DNAJC11: variants seen among roughly 807,000 people sequenced by gnomAD.
DNAJC11 encodes DnaJ heat shock protein family (Hsp40) member C11, also known as dnaJ homolog subfamily C member 11.
In DNAJC11, 15 loss-of-function variants were observed where a neutral mutation model predicts 78.6. The ratio of observed to expected loss-of-function variants is 0.19; its 90% CI spans 0.13 to 0.29. DNAJC11 has a LOEUF of 0.29. Ranked by LOEUF, DNAJC11 falls within the 10% of genes least tolerant of loss-of-function variation. The pLI is 1.00. For synonymous variants in DNAJC11, 292 were observed against 272.1 expected, an observed-to-expected ratio of 1.07 and a Z score of -0.72; for missense variants, 547 against 709.6, an observed-to-expected ratio of 0.77 and a Z score of 2.60.
chr1:6,649,331 G>A (rs187799062), intron 7 of DNAJC11, among the ~76,000 whole-genome samples: 19 of 152,110 alleles, frequency 1.2e-4, no homozygotes, highest in East Asian at 7.8e-4. Context: ...CACCGCTCCC[G>A]GCTAATTCTT....
chr1:6,673,195 C>CAAA (rs70981399), intron 3 of DNAJC11, among the ~76,000 whole-genome samples: 1,364 of 38,490 alleles, frequency 0.035, 60 homozygotes, highest in Non-Finnish European at 0.038. Flanking sequence ...AACTCCATCT[C>CAAA]AAAAAAAAAA....
chr1:6,637,439 G>C lies in DNAJC11; in HGVS notation c.1381+8C>G, dbSNP rs200102617. 6.2e-7 allele frequency: 1 copy of C among 1,614,236 alleles called. No individual in the cohort carries two copies. Among genetic ancestry groups the C allele is most frequent in the East Asian group, 2.2e-5 (1 of 44,892 alleles). On this transcript the variant is annotated splice_region_variant and intron_variant, in intron 13 of 15. Coordinates refer to ENST00000377577, the MANE Select transcript of DNAJC11 (RefSeq NM_018198.4). ...CACCCTGGACCAAGAGAGGACACAT[G>C]TTCTCACCCATTCTGGACTCTTCTG...
intron 3 of DNAJC11, among the ~76,000 whole-genome samples, chr1:6,674,603 C>A (rs560917338): frequency 4.6e-5 from 7 of 151,896 alleles, no homozygotes; most frequent in Admixed American, 6.6e-5. Flanking sequence ...GTGATGCATG[C>A]CTGTAGTCTC....
chr1:6,636,879 TGCTC>T (rs1641785216), intron 14 of DNAJC11, among the ~76,000 whole-genome samples: 1 of 152,156 alleles, frequency 6.6e-6, no homozygotes, highest in South Asian at 2.1e-4. Context: ...GACAGGGTCT[TGCTC>T]TGTCACCCAG....
At chr1:6,666,000 C>T (rs1007621756) in intron 4 of DNAJC11, among the ~76,000 whole-genome samples, 2 of 152,224 alleles carry the variant, frequency 1.3e-5, no homozygotes, top group Non-Finnish European at 2.9e-5. Flanking sequence ...ATCCTAAACT[C>T]CCTGGCTCGG....
At chr1:6,679,097 G>A (rs1008953979) in intron 2 of DNAJC11, among the ~76,000 whole-genome samples, 3 of 152,196 alleles carry the variant, frequency 2.0e-5, no homozygotes, top group Non-Finnish European at 2.9e-5. Flanking sequence ...GAAAGGACAT[G>A]AACGTTGTTT....
chr1:6,685,245 C>CA (rs1642636160), intron 1 of DNAJC11, among the ~76,000 whole-genome samples: 1 of 152,220 alleles, frequency 6.6e-6, no homozygotes, highest in South Asian at 2.1e-4. Context: ...CAGTGGTTCT[C>CA]AAAGTGTGGT....
At position 6,635,825 on chromosome 1, in the gene DNAJC11, C is replaced by A. The variant is rs888356050; in HGVS notation, c.1655-125G>T. The A allele has an allele frequency of 4.1e-6, 5 of 1,222,024 alleles. No individual in the cohort carries two copies. The East Asian group carries it at 1.2e-4, about 29-fold the overall frequency. The allele number at this position is 1,222,024 out of a possible 1,614,324, so 75.7% of individuals were successfully genotyped here. On this transcript the variant is annotated intron_variant, in intron 15 of 15. Coordinates refer to ENST00000377577, the MANE Select transcript of DNAJC11 (RefSeq NM_018198.4). ...GGGCCCAGGCGAGGCAGAGCACCCG[C>A]TGCTGAAAATCAACTGCTGCTGGAA...
At chr1:6,697,629 G>A (rs1395856935) in intron 1 of DNAJC11, among the ~76,000 whole-genome samples, 2 of 152,082 alleles carry the variant, frequency 1.3e-5, no homozygotes, top group Non-Finnish European at 2.9e-5. Context: ...CCTGCTGTGC[G>A]GCCCAATTCC....
chr1:6,656,100 T>TAAAAAAAAAAAAAA (rs749444041), intron 4 of DNAJC11, among the ~76,000 whole-genome samples: 1 of 88,884 alleles, frequency 1.1e-5, no homozygotes, highest in South Asian at 4.3e-4. Flanking sequence ...AGACTCCGTC[T>TAAAAAAAAAAAAAA]AAAAAAAAAA....
At chr1:6,662,128 GT>G (rs1222028818) in intron 4 of DNAJC11, among the ~76,000 whole-genome samples, 1 of 137,842 alleles carries the variant, frequency 7.3e-6, no homozygotes, top group East Asian at 2.1e-4. Flanking sequence ...ATTGTTTTTT[GT>G]TTTTTGTTTT....
At chr1:6,682,980 G>A (rs906601259) in intron 1 of DNAJC11, among the ~76,000 whole-genome samples, 6 of 152,134 alleles carry the variant, frequency 3.9e-5, no homozygotes, top group Non-Finnish European at 8.8e-5. Flanking sequence ...AGAGCTTCCC[G>A]CTGGTTTGGA....
At chr1:6,651,870 T>C (rs1642058844) in intron 6 of DNAJC11, among the ~76,000 whole-genome samples, 1 of 152,222 alleles carries the variant, frequency 6.6e-6, no homozygotes, top group South Asian at 2.1e-4. Flanking sequence ...CTCCCCTCTG[T>C]TCCTTGCCTC....
At chr1:6,656,907 C>A (rs1312584098) in intron 4 of DNAJC11, among the ~76,000 whole-genome samples, 1 of 151,868 alleles carries the variant, frequency 6.6e-6, no homozygotes, top group Non-Finnish European at 1.5e-5. Flanking sequence ...TAGTATGAGA[C>A]CCTATCTCAA....
chr1:6,694,854 AG>A (rs1266286057), intron 1 of DNAJC11, among the ~76,000 whole-genome samples: 7 of 151,382 alleles, frequency 4.6e-5, no homozygotes, highest in Non-Finnish European at 1.0e-4. Flanking sequence ...GGGGGCCTGT[AG>A]CCCCAGCTAC....
At chr1:6,681,585 C>T (rs1642553828) in intron 1 of DNAJC11, among the ~76,000 whole-genome samples, 1 of 152,184 alleles carries the variant, frequency 6.6e-6, no homozygotes, top group South Asian at 2.1e-4. Context: ...TAGTAACCAA[C>T]CCTCCCCAAA....
chr1:6,679,702 G>C (rs1163409357), intron 2 of DNAJC11, among the ~76,000 whole-genome samples: 1 of 152,174 alleles, frequency 6.6e-6, no homozygotes, highest in African/African-American at 2.4e-5. Flanking sequence ...TTTTACCTGA[G>C]TCTCCCTTTA....
Position 6,634,603 on chromosome 1 carries a change from G to A in DNAJC11, c.*1072C>T. On this transcript the variant is annotated 3_prime_UTR_variant, in exon 16 of 16. Coordinates refer to ENST00000377577, the MANE Select transcript of DNAJC11 (RefSeq NM_018198.4). ...TGGCTGCCACTTCCAGGCCCCGAGA[G>A]ACAGGCCTCACGTAACTTTACTGCA... 8.1e-6 allele frequency: 11 copies of A among 1,366,382 alleles called. No homozygotes were observed. The highest frequency in any genetic ancestry group is 1.1e-5 in the Non-Finnish European group (11 of 1,021,850). The allele number at this position is 1,366,382 out of a possible 1,614,324, so 84.6% of individuals were successfully genotyped here. A position where few individuals can be genotyped will look rare whatever the true frequency, so the allele number is the denominator to read the frequency against.
At chr1:6,674,069 A>G (rs1190643192) in intron 3 of DNAJC11, among the ~76,000 whole-genome samples, 1 of 152,230 alleles carries the variant, frequency 6.6e-6, no homozygotes, top group Non-Finnish European at 1.5e-5. Flanking sequence ...CAACCCTGTC[A>G]AAGTATTCAC....
Sources: allele counts gnomAD v4.1 joint callset (sites outside exome capture counted in the v4.1 genomes callset), GRCh38; gene constraint gnomAD v4.1.1; transcripts MANE v1.5; gene names NCBI Gene and HGNC (gene_info 2026-07-23, HGNC 2026-07-21).